CDA: variants seen among roughly 807,000 people sequenced by gnomAD.
The protein encoded by CDA is cytidine deaminase, also known as cytidine aminohydrolase.
Under a neutral mutation model 15.0 loss-of-function variants are expected in CDA, and 7 were observed. The ratio of observed to expected loss-of-function variants is 0.47; its 90% confidence interval spans 0.26 to 0.87. The LOEUF (loss-of-function observed/expected upper bound fraction) is 0.87, where lower values mean the gene tolerates loss of function less well. CDA is among the 40% of genes least tolerant of loss of function. CDA has a pLI of 0.15. For missense variants in CDA, 159 were observed against 182.7 expected (o/e 0.87, Z 0.75); for synonymous variants, 58 against 73.0 (o/e 0.79, Z 1.05).
chr1:20,592,811 G>C (rs900016278), intron 1 of CDA, among the ~76,000 whole-genome samples: 1 of 152,270 alleles, frequency 6.6e-6, no homozygotes, highest in Non-Finnish European at 1.5e-5. Flanking sequence ...TACAAATAAA[G>C]GCTGGGTGCG....
In CDA at chr1:20,589,255, G is replaced by T. The variant is rs763434918; in HGVS notation, c.126G>T (p.Leu42=). The T allele has an allele frequency of 6.2e-7, 1 of 1,614,080 alleles. No homozygotes were observed. The highest frequency in any genetic ancestry group is 8.5e-7 in the Non-Finnish European group (1 of 1,180,000). The part of the protein sequence containing the change: ...PYSHFPVGAA[L]LTQEGRIFKG... ...GTCACTTTCCTGTGGGGGCTGCCCTGCTCACCCAGGAGGGGAGAATCTTCA... is the reference window on the plus strand; with the variant it reads ...GTCACTTTCCTGTGGGGGCTGCCCTTCTCACCCAGGAGGGGAGAATCTTCA... The change falls in exon 1 of 4, where the codon CTG becomes CTT. Residue 42 remains leucine (L), a synonymous_variant. Transcript: ENST00000375071.
At chr1:20,602,020 T>TTC (rs942271031) in intron 1 of CDA, among the ~76,000 whole-genome samples, 3 of 151,592 alleles carry the variant, frequency 2.0e-5, no homozygotes, top group African/African-American at 7.3e-5. Flanking sequence ...ACTTGGTAGG[T>TTC]TAGGATGAGA....
chr1:20,609,464 C>T (rs1026377695), intron 2 of CDA, among the ~76,000 whole-genome samples: 2 of 151,924 alleles, frequency 1.3e-5, no homozygotes, highest in Admixed American at 6.6e-5. Flanking sequence ...CCAGCCTGGG[C>T]GACAGAGCGA....
chr1:20,599,096 G>T (rs755842936), intron 1 of CDA, among the ~76,000 whole-genome samples: 3 of 152,186 alleles, frequency 2.0e-5, no homozygotes, highest in African/African-American at 4.8e-5. Flanking sequence ...CTGAGAAGGT[G>T]ACATTTGAGC....
chr1:20,589,843 T>G, intron 1 of CDA, among the ~76,000 whole-genome samples: 1 of 152,030 alleles, frequency 6.6e-6, no homozygotes, highest in African/African-American at 2.4e-5. Flanking sequence ...GGTGACGTGT[T>G]TGTCGGGGGT....
intron 1 of CDA, among the ~76,000 whole-genome samples, chr1:20,594,621 C>T (rs1302869907): frequency 6.6e-6 from 1 of 151,820 alleles, no homozygotes; most frequent in East Asian, 1.9e-4. Flanking sequence ...AACCCCATCT[C>T]TACTAAAAAT....
intron 2 of CDA, among the ~76,000 whole-genome samples, chr1:20,609,715 T>C (rs987962760): frequency 1.3e-5 from 2 of 152,148 alleles, no homozygotes; most frequent in Non-Finnish European, 2.9e-5. Context: ...CTGCCTGACA[T>C]AGAGAAGGAT....
At chr1:20,609,343 A>T (rs2052724610) in intron 2 of CDA, among the ~76,000 whole-genome samples, 2 of 152,222 alleles carry the variant, frequency 1.3e-5, no homozygotes, top group Non-Finnish European at 2.9e-5. Flanking sequence ...AAAATTAACC[A>T]GGCGTGGTGG....
intron 1 of CDA, among the ~76,000 whole-genome samples, chr1:20,603,396 G>C (rs2052665201): frequency 1.3e-5 from 2 of 152,092 alleles, no homozygotes; most frequent in African/African-American, 4.8e-5. Context: ...CTCTCTCCTT[G>C]CTGCTCCTCC....
intron 1 of CDA, among the ~76,000 whole-genome samples, chr1:20,592,277 G>A (rs543650742): frequency 1.3e-5 from 2 of 152,182 alleles, no homozygotes; most frequent in Non-Finnish European, 2.9e-5. Context: ...TGGTGCCTGC[G>A]CTGAGTATGT....
intron 1 of CDA, among the ~76,000 whole-genome samples, chr1:20,600,041 A>C (rs2154532243): frequency 6.6e-6 from 1 of 152,296 alleles, no homozygotes; most frequent in South Asian, 2.1e-4. Context: ...GTGCTGTTTG[A>C]GTAGTGGGGC....
At chr1:20,610,436 G>T (rs12123445) in intron 2 of CDA, among the ~76,000 whole-genome samples, 32,667 of 151,244 alleles carry the variant, frequency 0.22, 3,734 homozygotes, top group African/African-American at 0.23. Context: ...AAGTAGCAGG[G>T]ATTACAGGCA....
At chr1:20,603,139 C>T (rs2052662496) in intron 1 of CDA, among the ~76,000 whole-genome samples, 1 of 152,206 alleles carries the variant, frequency 6.6e-6, no homozygotes, top group African/African-American at 2.4e-5. Flanking sequence ...TCTGTGTTTT[C>T]TCCTTTGCGT....
intron 1 of CDA, among the ~76,000 whole-genome samples, chr1:20,595,250 A>C (rs956840007): frequency 2.6e-5 from 4 of 152,148 alleles, no homozygotes; most frequent in Admixed American, 6.5e-5. Flanking sequence ...AACACACCAC[A>C]TTTTAGAAGA....
At chr1:20,597,777 T>G (rs2052603478) in intron 1 of CDA, among the ~76,000 whole-genome samples, 1 of 152,134 alleles carries the variant, frequency 6.6e-6, no homozygotes. Context: ...GAAACAGAAT[T>G]GGTTTGCCTG....
At chr1:20,615,461 T>G in intron 3 of CDA, among the ~76,000 whole-genome samples, 1 of 86,136 alleles carries the variant, frequency 1.2e-5, no homozygotes, top group East Asian at 3.0e-4. Flanking sequence ...AGCGAGACCC[T>G]GTTCTCCACA....
intron 3 of CDA, 73 bp downstream of exon 3, chr1:20,613,972 G>A (rs538746855): frequency 1.8e-5 from 22 of 1,216,104 alleles, no homozygotes; most frequent in African/African-American, 1.3e-4. Context: ...ACGCCAAGTT[G>A]CAGGCATGGC....
chr1:20,612,012 A>C (rs1199316451), intron 2 of CDA, among the ~76,000 whole-genome samples: 1 of 151,882 alleles, frequency 6.6e-6, no homozygotes, highest in Non-Finnish European at 1.5e-5. Context: ...ACAGGCCTGC[A>C]CCACCACACC....
At chr1:20,604,881 G>A in intron 1 of CDA, 47 bp from the exon 2 acceptor site, 1 of 1,245,822 alleles carries the variant, frequency 8.0e-7, no homozygotes, top group Non-Finnish European at 1.2e-6. Context: ...ACACGCAACA[G>A]GAAGTGTCTC....
Sources: allele counts gnomAD v4.1 joint callset (sites outside exome capture counted in the v4.1 genomes callset), GRCh38; gene constraint gnomAD v4.1.1; transcripts MANE v1.5; gene names NCBI Gene and HGNC (gene_info 2026-07-23, HGNC 2026-07-21).